ZC4H2: variants seen among roughly 807,000 people sequenced by gnomAD.
ZC4H2 encodes the protein zinc finger C4H2 domain-containing protein.
For synonymous variants in ZC4H2, 84 were observed against 66.3 expected (o/e 1.27, Z -1.30); for missense variants, 137 against 173.9 (o/e 0.79, Z 1.19).
chrX:64,980,264 T>C (rs930609941), upstream of ZC4H2, among the ~76,000 whole-genome samples: 60 of 112,085 alleles, frequency 5.4e-4, 1 homozygote, highest in African/African-American at 1.8e-3. Context: ...GGCCCTGCCC[T>C]TACCAAGCTT....
At chrX:65,028,743 G>T (rs1315424735) in intron 1 of ZC4H2, among the ~76,000 whole-genome samples, 1 of 111,338 alleles carries the variant, frequency 9.0e-6, no homozygotes, top group Non-Finnish European at 1.9e-5. Context: ...TGTTGGCCAG[G>T]CTGGTCTCAA....
chrX:64,963,300 T>C (rs906118517), intron 1 of ZC4H2, among the ~76,000 whole-genome samples: 3 of 111,828 alleles, frequency 2.7e-5, no homozygotes, highest in Non-Finnish European at 5.7e-5. Context: ...TATTAAACAC[T>C]GAACATAACT....
At chrX:64,945,872 T>A (rs1027351101) in intron 1 of ZC4H2, among the ~76,000 whole-genome samples, 1 of 111,170 alleles carries the variant, frequency 9.0e-6, no homozygotes, top group African/African-American at 3.3e-5. Flanking sequence ...TGGCTTTGTT[T>A]ACACTGTGTG....
In ZC4H2 at chrX:64,960,945, T is replaced by C. The variant is rs143395875; in HGVS notation, c.53+15380A>G. Among the ~76,000 whole-genome samples, 257 of 111,532 alleles carry C rather than the reference T, an allele frequency of 2.3e-3. 2 individuals are homozygous for C. The highest frequency in any genetic ancestry group is 7.8e-3 in the African/African-American group (239 of 30,805). On this transcript the variant is annotated intron_variant, in intron 1 of 4. Transcript: ENST00000374839. ...ATTCTGTTGCTCTTGGGTTTAATGTTTTATATGTCTGTAAGGTCCATTTGG... is the reference window on the plus strand; with the variant it reads ...ATTCTGTTGCTCTTGGGTTTAATGTCTTATATGTCTGTAAGGTCCATTTGG...
At chrX:64,974,692 G>T (rs1407466909) in intron 1 of ZC4H2, among the ~76,000 whole-genome samples, 4 of 110,682 alleles carry the variant, frequency 3.6e-5, no homozygotes, top group Admixed American at 9.6e-5. Context: ...ATCCTAGCTG[G>T]TTGAGGTAGA....
At chrX:64,972,753 C>T (rs1322693212) in intron 1 of ZC4H2, among the ~76,000 whole-genome samples, 2 of 111,790 alleles carry the variant, frequency 1.8e-5, no homozygotes, top group African/African-American at 6.5e-5. Flanking sequence ...GAGCCAGGAG[C>T]TTTTAAATTA....
intron 1 of ZC4H2, among the ~76,000 whole-genome samples, chrX:65,019,930 G>A (rs1932824296): frequency 8.9e-6 from 1 of 111,813 alleles, no homozygotes; most frequent in African/African-American, 3.3e-5. Context: ...CAGAAGAAAG[G>A]ATATCAGAGA....
intron 1 of ZC4H2, among the ~76,000 whole-genome samples, chrX:64,962,613 T>C (rs1481886143): frequency 9.0e-6 from 1 of 111,490 alleles, no homozygotes; most frequent in East Asian, 2.8e-4. Flanking sequence ...ATTATTGCTG[T>C]TTTCAGTTGA....
chrX:65,018,141 C>A (rs1212265382), intron 1 of ZC4H2, among the ~76,000 whole-genome samples: 4 of 112,473 alleles, frequency 3.6e-5, no homozygotes, highest in Non-Finnish European at 5.6e-5. Flanking sequence ...AACTAAATAA[C>A]TCCATTAAAA....
At chrX:64,957,117 A>G (rs1337331458) in intron 1 of ZC4H2, among the ~76,000 whole-genome samples, 1 of 112,656 alleles carries the variant, frequency 8.9e-6, no homozygotes, top group East Asian at 2.8e-4. Context: ...TGTGCCTGTA[A>G]CAATAGCTGA....
chrX:64,946,946 T>C (rs905665708), intron 1 of ZC4H2, among the ~76,000 whole-genome samples: 2 of 111,751 alleles, frequency 1.8e-5, no homozygotes, highest in African/African-American at 3.3e-5. Flanking sequence ...ATTATTGTTT[T>C]AAGGCATCTC....
At chrX:65,009,184 G>A (rs1270523080) in intron 1 of ZC4H2, among the ~76,000 whole-genome samples, 2 of 111,418 alleles carry the variant, frequency 1.8e-5, no homozygotes, top group Non-Finnish European at 3.8e-5. Context: ...GGAAGACAAG[G>A]TCCTTTTTGT....
At chrX:64,974,973 CAAAAAAAAA>C (rs58569761) in intron 1 of ZC4H2, among the ~76,000 whole-genome samples, 51 of 35,847 alleles carry the variant, frequency 1.4e-3, no homozygotes, top group East Asian at 5.8e-3. Flanking sequence ...ATGCTTTTGC[CAAAAAAAAA>C]AAAAAAAAAA....
intron 1 of ZC4H2, among the ~76,000 whole-genome samples, chrX:64,964,323 T>A (rs1931510513): frequency 9.0e-6 from 1 of 111,143 alleles, no homozygotes; most frequent in African/African-American, 3.3e-5. Flanking sequence ...CAAAAATCTT[T>A]CAAATTTGAT....
intron 1 of ZC4H2, among the ~76,000 whole-genome samples, chrX:64,926,739 G>C (rs1929436818): frequency 9.0e-6 from 1 of 111,648 alleles, no homozygotes; most frequent in Non-Finnish European, 1.9e-5. Flanking sequence ...TGAAGAACAT[G>C]GGTTTGAACT....
At chrX:64,951,711 G>C (rs1423756711) in intron 1 of ZC4H2, among the ~76,000 whole-genome samples, 3 of 110,900 alleles carry the variant, frequency 2.7e-5, no homozygotes, top group Non-Finnish European at 5.6e-5. Flanking sequence ...CCCTTTGTCA[G>C]ATGAGTAGGT....
At chrX:64,993,530 C>G (rs1379620161) in intron 1 of ZC4H2, among the ~76,000 whole-genome samples, 1 of 111,670 alleles carries the variant, frequency 9.0e-6, no homozygotes, top group African/African-American at 3.3e-5. Context: ...TGTAAAGTTA[C>G]AGTGAGAAGA....
intron 1 of ZC4H2, among the ~76,000 whole-genome samples, chrX:64,934,592 G>A (rs780290579): frequency 4.5e-5 from 5 of 112,120 alleles, no homozygotes; most frequent in Non-Finnish European, 9.4e-5. Context: ...AGCTCACAGT[G>A]AGATCAAAAC....
intron 1 of ZC4H2, among the ~76,000 whole-genome samples, chrX:65,023,859 A>T (rs1176502040): frequency 8.9e-6 from 1 of 111,991 alleles, no homozygotes; most frequent in Non-Finnish European, 1.9e-5. Context: ...ACCAACCCAA[A>T]TGCCCATCAA....
Sources: allele counts gnomAD v4.1 joint callset (sites outside exome capture counted in the v4.1 genomes callset), GRCh38; gene constraint gnomAD v4.1.1; transcripts MANE v1.5; gene names NCBI Gene and HGNC (gene_info 2026-07-23, HGNC 2026-07-21).